Variants in JCAD observed in about 807,000 individuals in gnomAD.
The protein encoded by JCAD is junctional cadherin 5-associated protein.
JCAD carries 40 observed loss-of-function variants against 98.0 expected under a neutral mutation model. The observed-to-expected ratio is 0.41, with a 90% CI of 0.32 to 0.53. The LOEUF (loss-of-function observed/expected upper bound fraction) is 0.53. Ranked by LOEUF, JCAD falls within the 20% of genes least tolerant of loss-of-function variation. JCAD has a pLI of 0.31. For missense variants in JCAD, 1,705 were observed against 1,738.1 expected, an observed-to-expected ratio of 0.98 and a Z score of 0.34; for synonymous variants, 691 against 682.3, an observed-to-expected ratio of 1.01 and a Z score of -0.20.
At position 30,047,646 on chromosome 10, in the gene JCAD, T is replaced by G; in HGVS notation, c.167A>C (p.His56Pro). The change falls in exon 2 of 4, where the codon CAT becomes CCT. Residue 56 changes from histidine (H) to proline (P), a missense_variant. By Grantham distance (77) the His-to-Pro change is moderately conservative (BLOSUM62 -2). This residue lies in a region of JCAD where 152 missense variants were observed against 148.0 expected (regional missense o/e 1.03). Transcript: ENST00000375377. ...GHEDGPAALA[H>P]RKTSAGKGHV... ...TCCTTTCCCCGCGGACGTCTTACGA[T>G]GTGCGAGGGCCGCAGGGCCATCCTC... 6.2e-7 allele frequency: 1 copy of G among 1,614,192 alleles called. No homozygotes were observed. The highest frequency in any genetic ancestry group is 1.1e-5 in the South Asian group (1 of 91,080).
In JCAD at chr10:30,058,150, A is replaced by G. The variant is rs143620629; in HGVS notation, c.-60+1332T>C. ...CCAAATCCCTGTATTTTGCAACCCT[A>G]GCCCTCAATCTCTGGGTTATCTATT... is the stretch of plus-strand genomic sequence containing the variant. On this transcript the variant is annotated intron_variant, in intron 1 of 3. Transcript: ENST00000375377. Among the ~76,000 whole-genome samples the G allele has an allele frequency of 2.6e-3, 398 of 152,250 alleles. 2 individuals carry two copies. Among genetic ancestry groups the G allele is most frequent in the African/African-American group, 8.7e-3 (361 of 41,544 alleles).
intron 1 of JCAD, among the ~76,000 whole-genome samples, chr10:30,079,131 G>A (rs1228971445): frequency 6.6e-6 from 1 of 152,106 alleles, no homozygotes. Flanking sequence ...GGAGGCCGAG[G>A]CGGGCAGATC....
chr10:30,064,947 G>GGT (rs769772305), intron 2 of JCAD, among the ~76,000 whole-genome samples: 4 of 152,376 alleles, frequency 2.6e-5, no homozygotes, highest in East Asian at 3.9e-4. Flanking sequence ...TGGGATTACA[G>GGT]GCGTGAGCCA....
intron 1 of JCAD, among the ~76,000 whole-genome samples, chr10:30,091,707 T>A (rs1051143272): frequency 7.3e-6 from 1 of 136,166 alleles, no homozygotes; most frequent in Non-Finnish European, 1.5e-5. Flanking sequence ...TTGGACTAAG[T>A]TTTTAAATTT....
chr10:30,092,125 T>TAAA (rs775484783), intron 1 of JCAD, among the ~76,000 whole-genome samples: 1 of 104,930 alleles, frequency 9.5e-6, no homozygotes, highest in Non-Finnish European at 1.8e-5. Context: ...TATATATATA[T>TAAA]AAAAAACATT....
intron 1 of JCAD, among the ~76,000 whole-genome samples, chr10:30,080,540 C>T (rs1053855374): frequency 8.5e-5 from 13 of 152,312 alleles, no homozygotes; most frequent in African/African-American, 1.4e-4. Flanking sequence ...AATCCCATTT[C>T]GATCATGACA....
intron 1 of JCAD, among the ~76,000 whole-genome samples, chr10:30,092,286 T>C (rs1838296852): frequency 6.6e-6 from 1 of 150,798 alleles, no homozygotes; most frequent in Non-Finnish European, 1.5e-5. Context: ...AGTGAGTCGC[T>C]GTGCACCGGG....
chr10:30,031,527 C>T (rs981446159), intron 2 of JCAD, among the ~76,000 whole-genome samples: 5 of 150,522 alleles, frequency 3.3e-5, no homozygotes, highest in Admixed American at 6.6e-5. Flanking sequence ...TTGCCACCTC[C>T]GCCTCCTGGG....
intron 1 of JCAD, among the ~76,000 whole-genome samples, chr10:30,112,104 A>G (rs1015423464): frequency 1.2e-4 from 19 of 152,210 alleles, no homozygotes; most frequent in African/African-American, 4.1e-4. Flanking sequence ...TGTGATATAT[A>G]CACACAATGG....
At chr10:30,046,201 A>C (rs1837332563) in intron 2 of JCAD, among the ~76,000 whole-genome samples, 1 of 152,152 alleles carries the variant, frequency 6.6e-6, no homozygotes, top group Admixed American at 6.5e-5. Flanking sequence ...ACTAAAGGCA[A>C]ACACAGTGTT....
intron 1 of JCAD, among the ~76,000 whole-genome samples, chr10:30,109,997 C>A (rs143127733): frequency 5.2e-4 from 79 of 152,162 alleles, no homozygotes; most frequent in African/African-American, 1.7e-3. Context: ...GATATATGGA[C>A]CCCTGATGTA....
At chr10:30,045,097 G>A (rs1268631471) in intron 2 of JCAD, among the ~76,000 whole-genome samples, 1 of 152,128 alleles carries the variant, frequency 6.6e-6, no homozygotes, top group East Asian at 1.9e-4. Context: ...CCTTCACTCA[G>A]GATGGAAACA....
chr10:30,015,322 G>GA lies in JCAD; in HGVS notation c.*2560dup, dbSNP rs1054881300. On this transcript the variant is annotated 3_prime_UTR_variant, in exon 4 of 4. Coordinates refer to ENST00000375377, the MANE Select transcript of JCAD (RefSeq NM_020848.4). Reference sequence around the variant, plus strand: ...AAAAAACGAAGTTATGTATGTATGAGAAATAGAAACAATAACTAAACAATT... The same window carrying GA: ...AAAAAACGAAGTTATGTATGTATGAGAAAATAGAAACAATAACTAAACAATT... The GA allele has an allele frequency of 3.3e-5, 5 of 152,130 alleles. No homozygotes were observed. Among genetic ancestry groups the GA allele is most frequent in the Non-Finnish European group, 7.4e-5 (5 of 68,022 alleles). The allele number at this position is 152,130 out of a possible 1,614,324, so 9.4% of individuals were successfully genotyped here.
chr10:30,059,627 C>A, upstream of JCAD: 1 of 152,458 alleles, frequency 6.6e-6, no homozygotes, highest in South Asian at 1.8e-4. This position sits in a 1 kb window ranked among gnomAD's most constrained non-coding sequence, Gnocchi z 5.0. Flanking sequence ...CGGGCCCGCC[C>A]CGCCCACCGC....
At chr10:30,073,685 C>CCTTG (rs1554800617) in intron 1 of JCAD, among the ~76,000 whole-genome samples, 1,629 of 34,542 alleles carry the variant, frequency 0.047, 34 homozygotes, top group African/African-American at 0.097. Flanking sequence ...TTCCTTGCTT[C>CCTTG]CTTCCTTCCT....
At chr10:30,031,347 C>G (rs914116504) in intron 2 of JCAD, among the ~76,000 whole-genome samples, 1 of 151,648 alleles carries the variant, frequency 6.6e-6, no homozygotes, top group African/African-American at 2.4e-5. Flanking sequence ...TCCAGTCTGG[C>G]CTTGATCTCC....
At chr10:30,064,418 A>C (rs963477573), upstream of JCAD, among the ~76,000 whole-genome samples, 3 of 152,206 alleles carry the variant, frequency 2.0e-5, no homozygotes, top group African/African-American at 7.2e-5. Flanking sequence ...AACTGTAAAA[A>C]GTAAATTTCT....
chr10:30,030,006 A>T (rs1836958023), intron 2 of JCAD, 140 bp from the exon 3 acceptor site: 2 of 989,824 alleles, frequency 2.0e-6, no homozygotes, highest in Non-Finnish European at 2.9e-6. Context: ...AGCTTGAAAG[A>T]AAACATATCC....
Position 30,043,265 on chromosome 10 carries a change from TCA to T in JCAD, c.281+4265_281+4266del, listed in dbSNP as rs1837277020. ...TATGCTCAAAAATCTCATCAAAGCTTCATGTTTGTGTTTTGTTTTTTTTAAAG... is the reference window on the plus strand; with the variant it reads ...TATGCTCAAAAATCTCATCAAAGCTTTGTTTGTGTTTTGTTTTTTTTAAAG... On this transcript the variant is annotated intron_variant, in intron 2 of 3. Transcript: ENST00000375377. Among the ~76,000 whole-genome samples the T allele has an allele frequency of 2.0e-5, 3 of 152,114 alleles. No individual in the cohort carries two copies. The South Asian group carries it at 6.2e-4, about 32-fold the overall frequency.
Sources: gnomAD v4.1 joint callset for allele counts (sites outside exome capture counted in the v4.1 genomes callset) on GRCh38, gnomAD v4.1.1 for gene constraint, gnomAD v4.1.1 regional missense constraint, Gnocchi (gnomAD v3.1) non-coding constraint, MANE v1.5 for transcripts, NCBI Gene and HGNC (gene_info 2026-07-23, HGNC 2026-07-21) for gene names.